NPHP4: variants seen among roughly 807,000 people sequenced by gnomAD.
The protein encoded by NPHP4 is nephrocystin-4.
In NPHP4, 151 loss-of-function variants were observed where a neutral mutation model predicts 155.8. The observed-to-expected ratio is 0.97, with a 90% confidence interval of 0.85 to 1.11. The LOEUF (loss-of-function observed/expected upper bound fraction) is 1.11, where lower values mean the gene tolerates loss of function less well. Among genes scored for constraint, NPHP4 ranks in the 50% least tolerant of loss-of-function variants. The pLI is 0.00. For synonymous variants in NPHP4, 845 were observed against 816.8 expected (o/e 1.03, Z -0.59); for missense variants, 1,956 against 1,925.7 (o/e 1.02, Z -0.29).
At chr1:5,970,483 G>A (rs977413584) in intron 3 of NPHP4, among the ~76,000 whole-genome samples, 21 of 152,090 alleles carry the variant, frequency 1.4e-4, no homozygotes, top group Admixed American at 6.6e-4. Flanking sequence ...AGCCTGGGCA[G>A]CAGAGTGCAA....
chr1:5,968,151 T>A (rs1570686586), intron 4 of NPHP4, among the ~76,000 whole-genome samples: 1 of 151,842 alleles, frequency 6.6e-6, no homozygotes, highest in East Asian at 1.9e-4. Flanking sequence ...ATGAATAAAT[T>A]CAGGGTCCAA....
At chr1:5,957,692 G>C (rs891209602) in intron 6 of NPHP4, among the ~76,000 whole-genome samples, 2 of 144,796 alleles carry the variant, frequency 1.4e-5, no homozygotes, top group African/African-American at 5.3e-5. Context: ...ATTTAATTCA[G>C]CAGAATGCAC....
rs1644882532 is a variant in NPHP4, at chr1:5,905,695, T to C, written c.1700A>G (p.Gln567Arg). ...AGGCGTGAACGGCAGCTCCTGTAAC[T>C]GTTCGGCAATGGATGTTTCCAGGAC... Reference protein sequence around the residue: ...SLVLETSIAEQLQELPFTPLH... With the variant: ...SLVLETSIAERLQELPFTPLH... Residue 567 changes from glutamine (Q) to arginine (R), a missense_variant, in exon 14 of 30, where the codon CAG becomes CGG. By Grantham distance (43) the Gln-to-Arg change is conservative. Transcript: ENST00000378156. The surrounding 1 kb of genome is among the most constrained non-coding windows in gnomAD (Gnocchi z 4.0). The C allele has an allele frequency of 6.2e-7, 1 of 1,613,898 alleles. No individual in the cohort carries two copies. The highest frequency in any genetic ancestry group is 8.5e-7 in the Non-Finnish European group (1 of 1,179,844).
chr1:5,863,154 T>A lies in NPHP4; in HGVS notation c.*111A>T. ...CAGCCAAGTGCACAGGTCAGCCAGG[T>A]GGGCACTGAAGTGAAAGGCTGCAGA... On this transcript the variant is annotated 3_prime_UTR_variant, in exon 30 of 30. Coordinates refer to ENST00000378156, the MANE Select transcript of NPHP4 (RefSeq NM_015102.5). 2 of 1,176,848 alleles carry A rather than the reference T, an allele frequency of 1.7e-6. No homozygotes were observed. The highest frequency in any genetic ancestry group is 2.5e-5 in the South Asian group (2 of 80,472). The allele number at this position is 1,176,848 out of a possible 1,614,324, so 72.9% of individuals were successfully genotyped here.
At chr1:5,945,910 C>A (rs955862548) in intron 9 of NPHP4, among the ~76,000 whole-genome samples, 2 of 152,062 alleles carry the variant, frequency 1.3e-5, no homozygotes, top group Non-Finnish European at 2.9e-5. Context: ...TTGTCCCCCC[C>A]CAGGGCGTGA....
At chr1:5,895,098 C>T (rs896487998) in intron 16 of NPHP4, among the ~76,000 whole-genome samples, 26 of 151,896 alleles carry the variant, frequency 1.7e-4, no homozygotes, top group Non-Finnish European at 3.1e-4. Flanking sequence ...AACCAAACAC[C>T]GCATGTTCTC....
intron 20 of NPHP4, chr1:5,876,417 C>T (rs1642614387): frequency 6.6e-6 from 1 of 152,624 alleles, no homozygotes; most frequent in Non-Finnish European, 1.5e-5. Flanking sequence ...TCTTCCTCGC[C>T]CCATCAGACT....
At chr1:5,946,613 C>T (rs183313824) in intron 9 of NPHP4, among the ~76,000 whole-genome samples, 17 of 152,322 alleles carry the variant, frequency 1.1e-4, no homozygotes, top group African/African-American at 3.1e-4. Context: ...CTGAAACCCC[C>T]GGAATCTCCG....
At chr1:5,913,344 C>T (rs1413805135) in intron 11 of NPHP4, among the ~76,000 whole-genome samples, 1 of 152,124 alleles carries the variant, frequency 6.6e-6, no homozygotes, top group Non-Finnish European at 1.5e-5. Context: ...CAGAAATGGT[C>T]CACATGGATT....
intron 19 of NPHP4, 29 bp from the exon 20 acceptor site, chr1:5,877,327 T>C (rs192418058): frequency 1.2e-5 from 18 of 1,549,926 alleles, no homozygotes; most frequent in East Asian, 4.7e-5. Context: ...GCGAGTCAGG[T>C]AGACGTGCAG....
chr1:5,920,954 A>G (rs1391859856), intron 11 of NPHP4, among the ~76,000 whole-genome samples: 1 of 152,174 alleles, frequency 6.6e-6, no homozygotes, highest in East Asian at 1.9e-4. Flanking sequence ...AATATTCTCC[A>G]ATGTCTTTTT....
Position 5,904,634 on chromosome 1 carries a change from T to G in NPHP4, c.2126A>C (p.Asp709Ala), listed in dbSNP as rs926092150. The G allele has an allele frequency of 6.8e-6, 11 of 1,610,508 alleles. No homozygotes were observed. Among genetic ancestry groups the G allele is most frequent in the African/African-American group, 1.3e-5 (1 of 74,902 alleles). ...GTACTCACCAGCATCAAAGGTGCCA[T>G]CTCTGCTCACAGGCACGAGGATGTG... ...LTHILVPVSR[D>A]GTFDAGSPGF... Residue 709 changes from aspartate (D) to alanine (A), a missense_variant, in exon 16 of 30, where the codon GAT (aspartate) becomes GCT (alanine). Asp to Ala is a moderately radical substitution (Grantham distance 126). Transcript: ENST00000378156.
chr1:5,957,781 G>A (rs1325382433), intron 6 of NPHP4, among the ~76,000 whole-genome samples: 2 of 152,208 alleles, frequency 1.3e-5, no homozygotes, highest in East Asian at 1.9e-4. Flanking sequence ...CTGCAACAGC[G>A]ACAGCAGAAT....
chr1:5,887,214 C>T (rs909497430), intron 18 of NPHP4, 72 bp downstream of exon 18: 9 of 1,418,376 alleles, frequency 6.3e-6, no homozygotes, highest in East Asian at 5.0e-5. Flanking sequence ...GGCCCCTGCC[C>T]GAGGGAGCCC....
chr1:5,913,332 TC>T (rs1421193757), intron 11 of NPHP4, among the ~76,000 whole-genome samples: 1 of 152,074 alleles, frequency 6.6e-6, no homozygotes, highest in African/African-American at 2.4e-5. Flanking sequence ...CCAACTGTGA[TC>T]CAGAAATGGT....
rs1641228956 is a variant in NPHP4 at position 5,866,390 on chromosome 1, G to T, written c.3627C>A (p.Phe1209Leu). 1 of 1,607,890 alleles carries T rather than the reference G, an allele frequency of 6.2e-7. No homozygotes were observed. The highest frequency in any genetic ancestry group is 8.5e-7 in the Non-Finnish European group (1 of 1,176,298). Residue 1209 changes from phenylalanine (F) to leucine (L), a missense_variant, in exon 26 of 30, where the codon TTC (phenylalanine) becomes TTA (leucine). By Grantham distance (22) the Phe-to-Leu change is conservative. Coordinates refer to ENST00000378156, the MANE Select transcript of NPHP4 (RefSeq NM_015102.5). Reference protein sequence around the residue: ...ASGPSPEIKDFFVIIYSDRWL... With the variant: ...ASGPSPEIKDLFVIIYSDRWL... ...GCACTTACGAGTAAATGATGACAAA[G>T]AAGTCTTTGATCTCCGGGCTTGGAC...
At chr1:5,868,950 A>ACG (rs1211614860) in intron 23 of NPHP4, among the ~76,000 whole-genome samples, 1 of 132,042 alleles carries the variant, frequency 7.6e-6, no homozygotes, top group Non-Finnish European at 1.6e-5. Flanking sequence ...ACATGCACAC[A>ACG]CACACAATGC....
chr1:5,988,728 A>T (rs1655831064), intron 1 of NPHP4, among the ~76,000 whole-genome samples: 1 of 151,704 alleles, frequency 6.6e-6, no homozygotes, highest in South Asian at 2.1e-4. Context: ...GGACATGACC[A>T]GGCAGCCTGA....
At chr1:5,914,860 C>T (rs994944458) in intron 11 of NPHP4, among the ~76,000 whole-genome samples, 1 of 152,160 alleles carries the variant, frequency 6.6e-6, no homozygotes, top group African/African-American at 2.4e-5. Context: ...GTCGTGAATG[C>T]GGTCCCCACA....
Sources: gnomAD v4.1 joint callset for allele counts (sites outside exome capture counted in the v4.1 genomes callset) on GRCh38, gnomAD v4.1.1 for gene constraint, Gnocchi (gnomAD v3.1) non-coding constraint, MANE v1.5 for transcripts, NCBI Gene and HGNC (gene_info 2026-07-23, HGNC 2026-07-21) for gene names.